The following PTBP3 variants were observed in gnomAD, a reference collection of about 807,000 sequenced individuals.
The protein encoded by PTBP3 is polypyrimidine tract-binding protein 3.
Under a neutral mutation model 58.7 loss-of-function variants are expected in PTBP3, and 20 were observed. The observed-to-expected ratio is 0.34, with a 90% CI of 0.24 to 0.50. The LOEUF is 0.50. Among genes scored for constraint, PTBP3 ranks in the 20% least tolerant of loss-of-function variants. The pLI is 0.98. For synonymous variants in PTBP3, 185 were observed against 219.8 expected (o/e 0.84, Z 1.40); for missense variants, 509 against 637.2 (o/e 0.80, Z 2.17).
chr9:112,362,223 A>G, the PTBP3 span, among the ~76,000 whole-genome samples: 1 of 152,118 alleles, frequency 6.6e-6, no homozygotes, highest in Non-Finnish European at 1.5e-5. Flanking sequence ...CTGAGAGGGG[A>G]GGATAACTGA....
At chr9:112,245,136 C>A (rs1002248281) in intron 7 of PTBP3, among the ~76,000 whole-genome samples, 1 of 152,160 alleles carries the variant, frequency 6.6e-6, no homozygotes, top group Non-Finnish European at 1.5e-5. Flanking sequence ...TGGCAAAACC[C>A]TGTCTCTACA....
chr9:112,284,092 G>A lies in PTBP3; in HGVS notation c.35-8079C>T, dbSNP rs138445827. ...CATAGAGAAGCTCTACTAGGGCAGT[G>A]CAGAAGGGAAATGTGGGGTTGGAGC... On this transcript the variant is annotated intron_variant, in intron 2 of 13. Coordinates refer to ENST00000374257, the MANE Select transcript of PTBP3 (RefSeq NM_001163788.4). Among the ~76,000 whole-genome samples the A allele has an allele frequency of 2.5e-3, 371 of 149,992 alleles. 2 individuals carry two copies. The highest frequency in any genetic ancestry group is 9.1e-3 in the African/African-American group (364 of 40,202).
rs1836093727 is a variant in PTBP3 at position 112,251,050 on chromosome 9, G to A, written c.681C>T (p.Phe227=). 2 of 1,612,054 alleles carry A rather than the reference G, an allele frequency of 1.2e-6. No homozygotes were observed. The highest frequency in any genetic ancestry group is 2.7e-5 in the African/African-American group (2 of 74,800). ...YNACCTLRID[F]SKLTSLNVKY... ...TCACATTAAGGCTGGTGAGCTTGGA[G>A]AAGTCAATGCGCAGAGTGCAGCATG... The change falls in exon 7 of 14, where the codon TTC becomes TTT. Residue 227 remains phenylalanine, a synonymous_variant. Coordinates refer to ENST00000374257, the MANE Select transcript of PTBP3 (RefSeq NM_001163788.4).
At chr9:112,231,947 GAGAAGAGAAGAGAAGAGAAGAGAGA>G (rs1835223107) in intron 9 of PTBP3, 127 bp downstream of exon 9, 6 of 422,154 alleles carry the variant, frequency 1.4e-5, no homozygotes, top group Non-Finnish European at 2.3e-5. Context: ...GAGAAGAGAA[GAGAAGAGAAGAGAAGAGAAGAGAGA>G]AGAGAAGAGA....
the PTBP3 span, among the ~76,000 whole-genome samples, chr9:112,378,924 C>A: frequency 2.6e-3 from 400 of 152,310 alleles, 1 homozygote; most frequent in African/African-American, 9.2e-3. Context: ...CGGAGGCTCA[C>A]GCCTGTAATC....
At chr9:112,365,580 C>G in the PTBP3 span, among the ~76,000 whole-genome samples, 1 of 152,152 alleles carries the variant, frequency 6.6e-6, no homozygotes, top group Non-Finnish European at 1.5e-5. Context: ...TTGGGTATGT[C>G]TTTATCAGCA....
chr9:112,340,833 G>A, the PTBP3 span, among the ~76,000 whole-genome samples: 2 of 150,694 alleles, frequency 1.3e-5, no homozygotes, highest in Middle Eastern at 3.4e-3. Flanking sequence ...CCGAGATCGC[G>A]CCATTGCACT....
chr9:112,236,592 T>C (rs1476784649), intron 7 of PTBP3, among the ~76,000 whole-genome samples: 1 of 152,184 alleles, frequency 6.6e-6, no homozygotes, highest in Non-Finnish European at 1.5e-5. Flanking sequence ...GTGGATATTG[T>C]ATTATTGTTG....
the PTBP3 span, among the ~76,000 whole-genome samples, chr9:112,366,802 A>G: frequency 1.3e-5 from 2 of 152,196 alleles, no homozygotes; most frequent in African/African-American, 2.4e-5. Context: ...TCCAGGCCCC[A>G]GAATGATAGA....
intron 2 of PTBP3, among the ~76,000 whole-genome samples, chr9:112,280,117 T>C (rs1827790580): frequency 6.6e-6 from 1 of 152,138 alleles, no homozygotes; most frequent in African/African-American, 2.4e-5. Flanking sequence ...TGGAGTGCAG[T>C]GATGCAATCG....
chr9:112,258,385 C>A (rs924617356), intron 5 of PTBP3, among the ~76,000 whole-genome samples: 1 of 152,148 alleles, frequency 6.6e-6, no homozygotes, highest in Non-Finnish European at 1.5e-5. Context: ...AATTACCACA[C>A]CTACGCTGAA....
intron 2 of PTBP3, among the ~76,000 whole-genome samples, chr9:112,283,455 G>A (rs1210709354): frequency 6.6e-6 from 1 of 152,228 alleles, no homozygotes; most frequent in Non-Finnish European, 1.5e-5. Flanking sequence ...TTAGCAAAGA[G>A]ACTGGCAGCA....
chr9:112,251,159 G>C (rs1836099817), intron 6 of PTBP3, 56 bp from the exon 7 acceptor site: 1 of 1,341,870 alleles, frequency 7.5e-7, no homozygotes, highest in Non-Finnish European at 9.8e-7. Flanking sequence ...TGATAACCAA[G>C]AAGCCTCTAC....
At chr9:112,335,226 G>T (rs994837432), upstream of PTBP3, among the ~76,000 whole-genome samples, 2 of 152,112 alleles carry the variant, frequency 1.3e-5, no homozygotes, top group Non-Finnish European at 2.9e-5. Flanking sequence ...GACTACCACT[G>T]TAACAATTCT....
Position 112,220,162 on chromosome 9 carries a change from T to G in PTBP3, c.*3689A>C, listed in dbSNP as rs1178804536. 1 of 1,324,084 alleles carries G rather than the reference T, an allele frequency of 7.6e-7. No homozygotes were observed. 82.0% of individuals were successfully genotyped at this position (1,324,084 alleles called of 1,614,324 possible). A position where few individuals can be genotyped will look rare whatever the true frequency, so the allele number is the denominator to read the frequency against. On this transcript the variant is annotated 3_prime_UTR_variant, in exon 14 of 14. Coordinates refer to ENST00000374257, the MANE Select transcript of PTBP3 (RefSeq NM_001163788.4). ...TAAGGGATAGGTGGGGAAAAACACA[T>G]GTACTTTTGTCAATTTTTTGTCCAA...
intron 2 of PTBP3, among the ~76,000 whole-genome samples, chr9:112,277,024 G>A (rs1284191899): frequency 6.6e-6 from 1 of 152,096 alleles, no homozygotes; most frequent in African/African-American, 2.4e-5. Context: ...AAACACTAAT[G>A]AAACTTTACA....
chr9:112,309,216 A>G (rs1424483383), intron 1 of PTBP3, among the ~76,000 whole-genome samples: 2 of 152,166 alleles, frequency 1.3e-5, no homozygotes, highest in African/African-American at 4.8e-5. Flanking sequence ...TTTTTAAATT[A>G]ATAGCATCTT....
intron 1 of PTBP3, among the ~76,000 whole-genome samples, chr9:112,332,609 T>C (rs1187882428): frequency 6.6e-6 from 1 of 152,152 alleles, no homozygotes; most frequent in East Asian, 1.9e-4. Flanking sequence ...AATCCTAACA[T>C]AGTTGTTACT....
At chr9:112,228,631 A>G (rs1835084059) in intron 10 of PTBP3, among the ~76,000 whole-genome samples, 159 bp from the exon 11 acceptor site, 1 of 152,200 alleles carries the variant, frequency 6.6e-6, no homozygotes, top group South Asian at 2.1e-4. Context: ...AGATCTATTC[A>G]TGTACTTACT....
Sources: gnomAD v4.1 joint callset for allele counts (sites outside exome capture counted in the v4.1 genomes callset) on GRCh38, gnomAD v4.1.1 for gene constraint, MANE v1.5 for transcripts, NCBI Gene and HGNC (gene_info 2026-07-23, HGNC 2026-07-21) for gene names.